Variants in KIF6 observed in about 807,000 individuals in gnomAD.
KIF6 encodes kinesin family member 6.
KIF6 carries 106 observed loss-of-function variants against 112.7 expected under a neutral mutation model. The ratio of observed to expected loss-of-function variants is 0.94; its 90% CI spans 0.80 to 1.11. KIF6 has a LOEUF of 1.11. Ranked by LOEUF, KIF6 falls within the 50% of genes least tolerant of loss-of-function variation. KIF6 has a pLI of 0.00. For synonymous variants in KIF6, 339 were observed against 339.9 expected (o/e 1.00, Z 0.03); for missense variants, 929 against 964.0 (o/e 0.96, Z 0.48).
Position 39,569,972 on chromosome 6 carries a change from T to C in KIF6, c.1181+8084A>G, listed in dbSNP as rs146836872. ...TTATTTCAAAGTGCGATTTATTTGA[T>C]GGATAAACGAGCATTTAAGACTCTT... is the stretch of plus-strand genomic sequence containing the variant. On this transcript the variant is annotated intron_variant, in intron 10 of 22. Coordinates refer to ENST00000287152, the MANE Select transcript of KIF6 (RefSeq NM_145027.6). 2.2e-3 allele frequency among the ~76,000 whole-genome samples: 335 copies of C among 152,368 alleles called. 1 individual carries two copies. Among genetic ancestry groups the C allele is most frequent in the African/African-American group, 7.8e-3 (323 of 41,584 alleles).
intron 3 of KIF6, among the ~76,000 whole-genome samples, chr6:39,675,344 G>T (rs959014196): frequency 6.6e-6 from 1 of 152,146 alleles, no homozygotes; most frequent in African/African-American, 2.4e-5. Context: ...GGTGGGAAAA[G>T]TCTTCCTTCA....
At chr6:39,498,877 G>A (rs142315623) in intron 13 of KIF6, among the ~76,000 whole-genome samples, 190 of 152,260 alleles carry the variant, frequency 1.2e-3, no homozygotes, top group African/African-American at 4.5e-3. Flanking sequence ...AGGTAAATGA[G>A]AGTGGCATAT....
intron 3 of KIF6, among the ~76,000 whole-genome samples, chr6:39,655,753 C>T (rs974593922): frequency 6.6e-6 from 1 of 152,056 alleles, no homozygotes; most frequent in Admixed American, 6.6e-5. Context: ...CTGAGCTAAC[C>T]ATTTTATCTC....
At chr6:39,341,653 G>A (rs888356564) in intron 22 of KIF6, among the ~76,000 whole-genome samples, 6 of 152,134 alleles carry the variant, frequency 3.9e-5, no homozygotes, top group Admixed American at 3.3e-4. Context: ...AATGTCATCT[G>A]AAACTTCAAA....
At chr6:39,463,386 T>C (rs1256336418) in intron 13 of KIF6, among the ~76,000 whole-genome samples, 1 of 152,202 alleles carries the variant, frequency 6.6e-6, no homozygotes, top group Non-Finnish European at 1.5e-5. Flanking sequence ...TAAAAAAACA[T>C]GTTATTTTTT....
intron 3 of KIF6, among the ~76,000 whole-genome samples, chr6:39,697,946 T>A (rs191852117): frequency 9.3e-4 from 141 of 152,334 alleles, no homozygotes; most frequent in Middle Eastern, 3.4e-3. Flanking sequence ...TCAGTGTCTA[T>A]CTTAATATCT....
intron 13 of KIF6, among the ~76,000 whole-genome samples, chr6:39,460,298 C>G (rs1269538872): frequency 6.5e-4 from 77 of 117,858 alleles, no homozygotes; most frequent in African/African-American, 2.5e-3. Context: ...ACCGCATATT[C>G]TCACTCATAG....
intron 5 of KIF6, among the ~76,000 whole-genome samples, chr6:39,632,731 T>C (rs528871252): frequency 6.6e-6 from 1 of 152,160 alleles, no homozygotes; most frequent in Non-Finnish European, 1.5e-5. Context: ...TTCAAGCGAT[T>C]CTCCTGCCTC....
intron 13 of KIF6, among the ~76,000 whole-genome samples, chr6:39,518,389 A>C (rs1450413972): frequency 6.6e-6 from 1 of 152,196 alleles, no homozygotes; most frequent in African/African-American, 2.4e-5. Flanking sequence ...TATCTGAGTT[A>C]AGTGATGAGA....
intron 7 of KIF6, among the ~76,000 whole-genome samples, chr6:39,591,759 T>C (rs536394199): frequency 1.3e-5 from 2 of 152,246 alleles, no homozygotes; most frequent in South Asian, 4.2e-4. Context: ...TGGTGTGAGT[T>C]CTTAAATTGG....
intron 13 of KIF6, among the ~76,000 whole-genome samples, chr6:39,456,823 A>T (rs1461960581): frequency 1.4e-5 from 2 of 144,338 alleles, no homozygotes; most frequent in Admixed American, 1.4e-4. Flanking sequence ...GGAGCTAACT[A>T]TCCTAAATAT....
chr6:39,609,302 T>C (rs757603488), intron 6 of KIF6, among the ~76,000 whole-genome samples: 19 of 152,204 alleles, frequency 1.2e-4, no homozygotes, highest in Non-Finnish European at 2.4e-4. Context: ...TTTCCCAAAG[T>C]CGGCACCGAG....
intron 7 of KIF6, among the ~76,000 whole-genome samples, chr6:39,592,134 A>C (rs1306089163): frequency 3.3e-5 from 5 of 151,916 alleles, no homozygotes; most frequent in African/African-American, 1.2e-4. Flanking sequence ...AAACAAACAA[A>C]CAAACCTGAC....
chr6:39,575,324 G>C (rs1780885669), intron 10 of KIF6, among the ~76,000 whole-genome samples: 1 of 151,142 alleles, frequency 6.6e-6, no homozygotes, highest in Non-Finnish European at 1.5e-5. Context: ...AGGCCGGAGT[G>C]CAGTGGCGCG....
At position 39,343,657 on chromosome 6, in the gene KIF6, A is replaced by G; in HGVS notation, c.2428+52T>C. 1 of 1,406,836 alleles carries G rather than the reference A, an allele frequency of 7.1e-7. No homozygotes were observed. The highest frequency in any genetic ancestry group is 9.9e-7 in the Non-Finnish European group (1 of 1,013,202). The allele number at this position is 1,406,836 out of a possible 1,614,324, so 87.1% of individuals were successfully genotyped here. A position where few individuals can be genotyped will look rare whatever the true frequency, so the allele number is the denominator to read the frequency against. On this transcript the variant is annotated intron_variant, in intron 22 of 22. Transcript: ENST00000287152. This position sits in a 1 kb window ranked among gnomAD's most constrained non-coding sequence, Gnocchi z 4.1. ...TCCCACCTCACTGTGTGCTCCCCAC[A>G]AGTGTTGGTGACCTGCTGCCCAGGA...
intron 10 of KIF6, among the ~76,000 whole-genome samples, chr6:39,557,003 T>G (rs977248420): frequency 2.0e-5 from 3 of 152,158 alleles, no homozygotes; most frequent in Admixed American, 2.0e-4. Context: ...TTAGCTGAAA[T>G]TTTTAAATAA....
At chr6:39,345,622 G>C in intron 21 of KIF6, 78 bp downstream of exon 21, 1 of 1,212,518 alleles carries the variant, frequency 8.2e-7, no homozygotes, top group Non-Finnish European at 1.2e-6. Flanking sequence ...GGGCTTTTTC[G>C]GGGAGTAGAC....
intron 13 of KIF6, among the ~76,000 whole-genome samples, chr6:39,448,126 C>T (rs937572550): frequency 7.2e-5 from 11 of 152,110 alleles, no homozygotes; most frequent in African/African-American, 2.7e-4. Context: ...ACCAGAGCTC[C>T]TACCTCTCTG....
In KIF6 at chr6:39,587,130, T is replaced by C. The variant is rs74670050; in HGVS notation, c.847-726A>G. ...ACTTAATAGGAAGGTACTAGATAGA[T>C]GGATGGCAGATGGAGCAAAGGCTGC... On this transcript the variant is annotated intron_variant, in intron 7 of 22. Transcript: ENST00000287152. Among the ~76,000 whole-genome samples, 42 of 152,194 alleles carry C rather than the reference T, an allele frequency of 2.8e-4. 1 individual carries two copies. Among genetic ancestry groups the C allele is most frequent in the Non-Finnish European group, 5.7e-4 (39 of 67,994 alleles).
Sources: gnomAD v4.1 joint callset for allele counts (sites outside exome capture counted in the v4.1 genomes callset) on GRCh38, gnomAD v4.1.1 for gene constraint, Gnocchi (gnomAD v3.1) non-coding constraint, MANE v1.5 for transcripts, NCBI Gene and HGNC (gene_info 2026-07-23, HGNC 2026-07-21) for gene names.